The following ADGRG7 variants were observed in gnomAD, a reference collection of about 807,000 sequenced individuals.
ADGRG7 encodes G-protein coupled receptor 128.
ADGRG7 carries 82 observed loss-of-function variants against 88.6 expected under a neutral mutation model. The ratio of observed to expected loss-of-function variants is 0.93; its 90% CI spans 0.77 to 1.11. ADGRG7 has a LOEUF of 1.11. Ranked by LOEUF, ADGRG7 falls within the 50% of genes most tolerant of loss-of-function variation. The pLI is 0.00. For missense variants in ADGRG7, 945 were observed against 953.4 expected (o/e 0.99, Z 0.12); for synonymous variants, 381 against 345.2 (o/e 1.10, Z -1.15).
intron 1 of ADGRG7, among the ~76,000 whole-genome samples, chr3:100,614,532 C>T (rs926062158): frequency 6.6e-6 from 1 of 152,078 alleles, no homozygotes; most frequent in African/African-American, 2.4e-5. Context: ...TTTCTCTTTA[C>T]AACCAGAATA....
At chr3:100,614,585 T>G (rs1002003327) in intron 1 of ADGRG7, among the ~76,000 whole-genome samples, 1 of 152,170 alleles carries the variant, frequency 6.6e-6, no homozygotes, top group Admixed American at 6.5e-5. Flanking sequence ...GTTAACTTTA[T>G]TGTCACCAAA....
chr3:100,609,739 A>C lies in ADGRG7; in HGVS notation c.-118A>C, dbSNP rs1707117334. 1.5e-6 allele frequency: 1 copy of C among 679,130 alleles called. No homozygotes were observed. Among genetic ancestry groups the C allele is most frequent in the African/African-American group, 1.8e-5 (1 of 55,214 alleles). The allele number at this position is 679,130 out of a possible 1,614,324, so 42.1% of individuals were successfully genotyped here. A position where few individuals can be genotyped will look rare whatever the true frequency, so the allele number is the denominator to read the frequency against. The stretch of plus-strand genomic sequence containing the variant: ...TACAAAGACATCCATCTGACAGATC[A>C]CTGAGGGGAGGACTTGTTTTTCTGT... On this transcript the variant is annotated 5_prime_UTR_variant, in exon 1 of 16. Coordinates refer to ENST00000273352, the MANE Select transcript of ADGRG7 (RefSeq NM_032787.3).
At chr3:100,619,833 G>A (rs1020094632) in intron 1 of ADGRG7, among the ~76,000 whole-genome samples, 126 of 151,882 alleles carry the variant, frequency 8.3e-4, no homozygotes, top group Non-Finnish European at 1.0e-3. Flanking sequence ...TCCTCGACAC[G>A]TACACTCTCC....
chr3:100,688,635 C>T (rs2094987509), intron 15 of ADGRG7, among the ~76,000 whole-genome samples: 5 of 152,140 alleles, frequency 3.3e-5, no homozygotes, highest in Admixed American at 2.6e-4. Flanking sequence ...TCATTATGTA[C>T]CCAGTATTCA....
Position 100,669,000 on chromosome 3 carries a change from A to C in ADGRG7, c.2031A>C (p.Ala677=), listed in dbSNP as rs563269341. 4 of 1,606,688 alleles carry C rather than the reference A, an allele frequency of 2.5e-6. No homozygotes were observed. Among genetic ancestry groups the C allele is most frequent in the Non-Finnish European group, 2.5e-6 (3 of 1,177,008 alleles). ...MKKIVSTLSV[A]VVFGITWILA... ...AGATTGTTAGCACATTATCTGTTGC[A>C]GTTGTTTTTGGAATTACCTGGATTC... Residue 677 remains alanine (A), a synonymous_variant, in exon 15 of 16, where the codon GCA becomes GCC. Transcript: ENST00000273352.
At chr3:100,637,261 G>T in intron 5 of ADGRG7, 41 bp from the exon 6 acceptor site, 2 of 1,248,692 alleles carry the variant, frequency 1.6e-6, no homozygotes, top group Non-Finnish European at 2.4e-6. Flanking sequence ...GATAATGTAT[G>T]ATATATGCTT....
chr3:100,628,891 T>C (rs1170509642), intron 1 of ADGRG7, among the ~76,000 whole-genome samples: 1 of 152,114 alleles, frequency 6.6e-6, no homozygotes, highest in Non-Finnish European at 1.5e-5. Flanking sequence ...CCTTCACTTA[T>C]CCTCCTAAAA....
intron 6 of ADGRG7, among the ~76,000 whole-genome samples, chr3:100,638,898 A>C (rs960878926): frequency 5.9e-5 from 9 of 152,154 alleles, no homozygotes; most frequent in African/African-American, 2.2e-4. Context: ...TTACATCAGC[A>C]TGCATGCTTA....
chr3:100,641,444 A>C (rs1050943702), intron 6 of ADGRG7, among the ~76,000 whole-genome samples: 5 of 152,014 alleles, frequency 3.3e-5, no homozygotes, highest in Admixed American at 2.6e-4. Context: ...TCATGAGCTA[A>C]ATGGTCTGAG....
rs2094999909 is a variant in ADGRG7, at chr3:100,694,950, T to C, written c.2343T>C (p.Ser781=). Residue 781 remains serine (S), a synonymous_variant, in exon 16 of 16, where the codon AGT becomes AGC. Coordinates refer to ENST00000273352, the MANE Select transcript of ADGRG7 (RefSeq NM_032787.3). Reference sequence around the variant, plus strand: ...TTAGGCTACTGGAAACCTCTCCGAGTACTGAGGAAATCACACTCTCTGAAA... The same window carrying C: ...TTAGGCTACTGGAAACCTCTCCGAGCACTGAGGAAATCACACTCTCTGAAA... ...ERFRLLETSP[S]TEEITLSESD... 6.2e-7 allele frequency: 1 copy of C among 1,614,020 alleles called. No homozygotes were observed. Among genetic ancestry groups the C allele is most frequent in the African/African-American group, 1.3e-5 (1 of 74,912 alleles).
intron 1 of ADGRG7, among the ~76,000 whole-genome samples, chr3:100,610,702 T>C (rs1214462577): frequency 6.6e-6 from 1 of 152,238 alleles, no homozygotes; most frequent in East Asian, 1.9e-4. Context: ...CCTTGGGCTG[T>C]AGAGCTTCTC....
At chr3:100,670,016 C>T (rs752093183) in intron 15 of ADGRG7, among the ~76,000 whole-genome samples, 8 of 152,088 alleles carry the variant, frequency 5.3e-5, no homozygotes, top group East Asian at 1.9e-4. Context: ...TCAGCCTGGG[C>T]GACAGAGGGA....
intron 8 of ADGRG7, 65 bp from the exon 9 acceptor site, chr3:100,645,880 G>A (rs1707735510): frequency 7.2e-7 from 1 of 1,392,884 alleles, no homozygotes; most frequent in Admixed American, 2.0e-5. Flanking sequence ...ACAATAACGT[G>A]ACATATTGTT....
chr3:100,665,251 G>T lies in ADGRG7; in HGVS notation c.1980-3698G>T, dbSNP rs1326959741. 3 of 540,320 alleles carry T rather than the reference G, an allele frequency of 5.6e-6. No individual in the cohort carries two copies. The East Asian group carries it at 1.6e-4, about 29-fold the overall frequency. The allele number at this position is 540,320 out of a possible 1,614,324, so 33.5% of individuals were successfully genotyped here. A position where few individuals can be genotyped will look rare whatever the true frequency, so the allele number is the denominator to read the frequency against. On this transcript the variant is annotated intron_variant, in intron 14 of 15. Coordinates refer to ENST00000273352, the MANE Select transcript of ADGRG7 (RefSeq NM_032787.3). ...GATATGGAACTCTCCCATCCATTAT[G>T]TTGATATTTATAACTATACACAATG... is the stretch of plus-strand genomic sequence containing the variant.
intron 15 of ADGRG7, among the ~76,000 whole-genome samples, chr3:100,685,837 G>A (rs1377976343): frequency 9.2e-5 from 14 of 152,278 alleles, no homozygotes; most frequent in East Asian, 3.9e-4. Flanking sequence ...ATAAACATAC[G>A]TGTGCATGTG....
Position 100,635,681 on chromosome 3 carries a change from A to G in ADGRG7, c.452A>G (p.Lys151Arg), listed in dbSNP as rs1330250809. The change falls in exon 5 of 16, where the codon AAG becomes AGG. Residue 151 changes from lysine to arginine, a missense_variant. Lys to Arg is a conservative substitution (Grantham distance 26, BLOSUM62 2). Transcript: ENST00000273352. Reference sequence around the variant, plus strand: ...TTTTTCTGGTTTTTAAAACAGGTAAAGGATGTCACAGCACCACTTAATAAC... The same window carrying G: ...TTTTTCTGGTTTTTAAAACAGGTAAGGGATGTCACAGCACCACTTAATAAC... ...ENLETLEKQVKDVTAPLNNIS... is the reference protein window; with the variant it reads ...ENLETLEKQVRDVTAPLNNIS... 6.2e-7 allele frequency: 1 copy of G among 1,611,884 alleles called. No homozygotes were observed. The highest frequency in any genetic ancestry group is 1.3e-5 in the African/African-American group (1 of 74,796).
At chr3:100,679,207 C>T (rs1222815846) in intron 15 of ADGRG7, among the ~76,000 whole-genome samples, 3 of 152,198 alleles carry the variant, frequency 2.0e-5, no homozygotes, top group Non-Finnish European at 4.4e-5. Context: ...ATCCCCCAAC[C>T]TTTCCTCAAG....
intron 12 of ADGRG7, 21 bp from the exon 13 acceptor site, chr3:100,655,878 G>T (rs373405420): frequency 1.6e-6 from 2 of 1,281,392 alleles, no homozygotes; most frequent in East Asian, 2.3e-5. Context: ...CATTAATTAT[G>T]TGCCTCTCTT....
intron 15 of ADGRG7, among the ~76,000 whole-genome samples, chr3:100,691,508 C>T (rs1212001101): frequency 6.6e-6 from 1 of 152,056 alleles, no homozygotes; most frequent in Non-Finnish European, 1.5e-5. Flanking sequence ...CTTGGCTCCA[C>T]CCTTCCCCAT....
Sources: gnomAD v4.1 joint callset for allele counts (sites outside exome capture counted in the v4.1 genomes callset) on GRCh38, gnomAD v4.1.1 for gene constraint, MANE v1.5 for transcripts, NCBI Gene and HGNC (gene_info 2026-07-23, HGNC 2026-07-21) for gene names.